GAP43: variants seen among roughly 807,000 people sequenced by gnomAD.
GAP43 encodes growth associated protein 43, also known as neuromodulin.
A neutral mutation model predicts 18.6 loss-of-function variants in GAP43; 6 were observed. The ratio of observed to expected loss-of-function variants is 0.32; its 90% CI spans 0.18 to 0.64. GAP43 has a LOEUF of 0.64. GAP43 is among the 30% of genes least tolerant of loss of function. The pLI, the probability that GAP43 is intolerant of heterozygous loss-of-function variation, is 0.78. For missense variants in GAP43, 292 were observed against 295.5 expected (o/e 0.99, Z 0.09); for synonymous variants, 115 against 111.4 (o/e 1.03, Z -0.20).
At chr3:115,686,764 C>G (rs924115938) in intron 2 of GAP43, among the ~76,000 whole-genome samples, 3 of 152,086 alleles carry the variant, frequency 2.0e-5, no homozygotes, top group Non-Finnish European at 4.4e-5. Flanking sequence ...TTGATGGAGG[C>G]AATAGTTCTT....
intron 1 of GAP43, among the ~76,000 whole-genome samples, chr3:115,639,618 C>G (rs1360269039): frequency 6.6e-6 from 1 of 152,028 alleles, no homozygotes; most frequent in African/African-American, 2.4e-5. Context: ...GCTATTTTTT[C>G]TTGTCCCCCT....
At chr3:115,683,327 T>C (rs547834824) in intron 2 of GAP43, among the ~76,000 whole-genome samples, 3 of 152,222 alleles carry the variant, frequency 2.0e-5, no homozygotes, top group African/African-American at 7.2e-5. Context: ...GGGTTGATAG[T>C]AGAGAAGTTT....
chr3:115,659,904 C>A (rs1708636176), intron 1 of GAP43, among the ~76,000 whole-genome samples: 1 of 152,184 alleles, frequency 6.6e-6, no homozygotes. Context: ...TAGCAGCCCC[C>A]TCCCCCGCAA....
chr3:115,688,141 C>T (rs1709059005), intron 2 of GAP43, among the ~76,000 whole-genome samples: 1 of 151,996 alleles, frequency 6.6e-6, no homozygotes, highest in Non-Finnish European at 1.5e-5. Flanking sequence ...CTCAGCCTCC[C>T]GAGTAGCTGG....
chr3:115,710,681 T>G (rs1305614894), intron 2 of GAP43, among the ~76,000 whole-genome samples: 1 of 152,160 alleles, frequency 6.6e-6, no homozygotes, highest in Admixed American at 6.5e-5. Context: ...TGTCCATGGT[T>G]AGAGTTCATA....
intron 2 of GAP43, among the ~76,000 whole-genome samples, chr3:115,717,396 G>C (rs1182036581): frequency 6.7e-6 from 1 of 150,168 alleles, no homozygotes; most frequent in African/African-American, 2.5e-5. Context: ...TGTAACCTCC[G>C]CCTCCCAGGT....
At chr3:115,706,059 G>C (rs1489681420) in intron 2 of GAP43, among the ~76,000 whole-genome samples, 4 of 152,098 alleles carry the variant, frequency 2.6e-5, no homozygotes, top group Non-Finnish European at 5.9e-5. Context: ...CCAGAAACGA[G>C]AGTGTTTTGC....
At chr3:115,683,089 T>G (rs1288106597) in intron 2 of GAP43, among the ~76,000 whole-genome samples, 1 of 149,848 alleles carries the variant, frequency 6.7e-6, no homozygotes, top group Non-Finnish European at 1.5e-5. Flanking sequence ...TAACACACAT[T>G]CATAAAATAT....
intron 1 of GAP43, among the ~76,000 whole-genome samples, chr3:115,643,172 T>TA (rs1197430621): frequency 6.6e-6 from 1 of 152,082 alleles, no homozygotes; most frequent in East Asian, 1.9e-4. Flanking sequence ...AGCTGAAATG[T>TA]AGACATCTCA....
chr3:115,640,389 C>A (rs1708380368), intron 1 of GAP43, among the ~76,000 whole-genome samples: 2 of 151,966 alleles, frequency 1.3e-5, no homozygotes, highest in African/African-American at 4.8e-5. Context: ...TTTGAGAGAC[C>A]CGCCAGTCAT....
chr3:115,673,912 A>G (rs186931787), intron 1 of GAP43, among the ~76,000 whole-genome samples: 2 of 152,386 alleles, frequency 1.3e-5, no homozygotes, highest in Admixed American at 1.3e-4. Flanking sequence ...TGAGAAAATT[A>G]TCAGACCTGC....
At chr3:115,698,963 A>G (rs1232013120) in intron 2 of GAP43, among the ~76,000 whole-genome samples, 2 of 152,156 alleles carry the variant, frequency 1.3e-5, no homozygotes, top group African/African-American at 4.8e-5. Context: ...GGAAGGCAGG[A>G]CACCTAAGGC....
intron 2 of GAP43, among the ~76,000 whole-genome samples, chr3:115,689,036 TC>T (rs1192847769): frequency 6.6e-6 from 1 of 152,204 alleles, no homozygotes; most frequent in Non-Finnish European, 1.5e-5. Context: ...TACAGCTTGC[TC>T]CTGTCCCAGG....
chr3:115,696,053 T>TTCTC (rs1192341422), intron 2 of GAP43, among the ~76,000 whole-genome samples: 1 of 151,506 alleles, frequency 6.6e-6, no homozygotes, highest in African/African-American at 2.4e-5. Flanking sequence ...CTCTTCTACA[T>TTCTC]TCTCTCTCTC....
At chr3:115,698,804 T>C (rs1428354680) in intron 2 of GAP43, among the ~76,000 whole-genome samples, 2 of 152,152 alleles carry the variant, frequency 1.3e-5, no homozygotes, top group Non-Finnish European at 2.9e-5. Context: ...ATAAGTTAGA[T>C]AACAAAATAT....
At chr3:115,689,459 C>G (rs964840633) in intron 2 of GAP43, among the ~76,000 whole-genome samples, 3 of 152,074 alleles carry the variant, frequency 2.0e-5, no homozygotes, top group Non-Finnish European at 4.4e-5. Flanking sequence ...GGGAAAGAAC[C>G]ATTTAATTTT....
At chr3:115,697,631 A>G (rs542572898) in intron 2 of GAP43, among the ~76,000 whole-genome samples, 7 of 152,308 alleles carry the variant, frequency 4.6e-5, no homozygotes, top group South Asian at 4.1e-4. Context: ...TGCAAAGGAT[A>G]TAGCTCTAAA....
chr3:115,718,003 C>G (rs1330154146), intron 2 of GAP43, among the ~76,000 whole-genome samples: 1 of 152,152 alleles, frequency 6.6e-6, no homozygotes, highest in African/African-American at 2.4e-5. Flanking sequence ...GTTCAAGTTT[C>G]TGTTTCTGCA....
chr3:115,631,961 T>G (rs1310095129), intron 1 of GAP43, among the ~76,000 whole-genome samples: 2 of 152,206 alleles, frequency 1.3e-5, no homozygotes, highest in African/African-American at 4.8e-5. Context: ...ACATAGTATC[T>G]GTTTATTATT....
Sources: allele counts gnomAD v4.1 joint callset (sites outside exome capture counted in the v4.1 genomes callset), GRCh38; gene constraint gnomAD v4.1.1; transcripts MANE v1.5; gene names NCBI Gene and HGNC (gene_info 2026-07-23, HGNC 2026-07-21).